CSMD3: variants seen among roughly 807,000 people sequenced by gnomAD.
CSMD3 encodes the protein CUB and Sushi multiple domains 3, also known as CUB and sushi domain-containing protein 3.
Under a neutral mutation model 435.2 loss-of-function variants are expected in CSMD3, and 177 were observed. That is an observed-to-expected ratio of 0.41 (90% CI 0.36 to 0.46). CSMD3 has a LOEUF of 0.46. Ranked by LOEUF, CSMD3 falls within the 20% of genes least tolerant of loss-of-function variation. The pLI is 0.34. For synonymous variants in CSMD3, 1,656 were observed against 1,520.5 expected (o/e 1.09, Z -2.07); for missense variants, 4,265 against 4,504.6 (o/e 0.95, Z 1.52).
chr8:113,394,159 TACACACAC>T (rs3080772), intron 1 of CSMD3, among the ~76,000 whole-genome samples: 18 of 137,156 alleles, frequency 1.3e-4, no homozygotes, highest in African/African-American at 3.4e-4. Flanking sequence ...TTTGTTGAAT[TACACACAC>T]ACACACACAC....
chr8:112,850,932 G>C (rs950401166), intron 11 of CSMD3, among the ~76,000 whole-genome samples: 2 of 152,106 alleles, frequency 1.3e-5, no homozygotes, highest in Non-Finnish European at 2.9e-5. Context: ...CAGGGGCATA[G>C]CTAATAGTAA....
intron 10 of CSMD3, among the ~76,000 whole-genome samples, chr8:112,907,019 A>G (rs1258590647): frequency 6.6e-6 from 1 of 151,614 alleles, no homozygotes; most frequent in African/African-American, 2.4e-5. Flanking sequence ...TACCTACCAA[A>G]TAGTTATTTT....
intron 3 of CSMD3, among the ~76,000 whole-genome samples, chr8:113,221,128 G>T (rs2092961343): frequency 6.6e-6 from 1 of 151,128 alleles, no homozygotes; most frequent in African/African-American, 2.4e-5. Flanking sequence ...TTGTACTGGA[G>T]ATTTAAAAAA....
chr8:112,416,307 C>T (rs1409855426), intron 32 of CSMD3, among the ~76,000 whole-genome samples: 1 of 152,128 alleles, frequency 6.6e-6, no homozygotes, highest in Non-Finnish European at 1.5e-5. Flanking sequence ...TTCATCCTGC[C>T]ACCCTGTGAA....
At chr8:112,787,682 G>C (rs1290599713) in intron 13 of CSMD3, among the ~76,000 whole-genome samples, 2 of 152,062 alleles carry the variant, frequency 1.3e-5, no homozygotes, top group Non-Finnish European at 2.9e-5. Flanking sequence ...AAATAAGCCA[G>C]GCACAGAAAG....
At chr8:112,274,906 A>G (rs1174230298) in intron 59 of CSMD3, among the ~76,000 whole-genome samples, 1 of 152,212 alleles carries the variant, frequency 6.6e-6, no homozygotes, top group Non-Finnish European at 1.5e-5. Context: ...TAGTTGACTA[A>G]TTAAAGTTGT....
intron 53 of CSMD3, among the ~76,000 whole-genome samples, chr8:112,297,485 A>G (rs531541794): frequency 2.0e-3 from 301 of 152,174 alleles, no homozygotes; most frequent in African/African-American, 6.9e-3. Context: ...CTATGTAATT[A>G]TTTCAATCTA....
At chr8:112,963,504 C>G (rs986964269) in intron 7 of CSMD3, among the ~76,000 whole-genome samples, 2 of 151,890 alleles carry the variant, frequency 1.3e-5, no homozygotes, top group African/African-American at 4.8e-5. Context: ...AGGATAATAT[C>G]TAGGTAGAAT....
At chr8:112,865,686 C>A (rs28656935) in intron 10 of CSMD3, among the ~76,000 whole-genome samples, 7,912 of 43,178 alleles carry the variant, frequency 0.18, 472 homozygotes, top group East Asian at 0.38. Context: ...TTTACATACC[C>A]CACACACACA....
chr8:112,606,486 T>C (rs891716977), intron 22 of CSMD3, among the ~76,000 whole-genome samples: 5 of 152,120 alleles, frequency 3.3e-5, no homozygotes, highest in Non-Finnish European at 5.9e-5. Context: ...GAACCCCAGA[T>C]CATCCAGGCA....
At chr8:112,286,447 G>A (rs1443961082) in intron 58 of CSMD3, among the ~76,000 whole-genome samples, 1 of 152,068 alleles carries the variant, frequency 6.6e-6, no homozygotes, top group African/African-American at 2.4e-5. Context: ...TACCTACCCT[G>A]TATATGATAT....
chr8:112,424,777 C>T (rs550130925), intron 32 of CSMD3, among the ~76,000 whole-genome samples: 77 of 152,224 alleles, frequency 5.1e-4, no homozygotes, highest in African/African-American at 1.8e-3. Context: ...CTGCAACCTC[C>T]ACCTACCAGG....
At chr8:112,466,109 A>T (rs1817933256) in intron 32 of CSMD3, among the ~76,000 whole-genome samples, 1 of 152,208 alleles carries the variant, frequency 6.6e-6, no homozygotes, top group Non-Finnish European at 1.5e-5. Flanking sequence ...TTCAGTATTT[A>T]AAAAAGAGTA....
At chr8:113,416,250 A>C (rs576480943) in intron 1 of CSMD3, among the ~76,000 whole-genome samples, 1 of 152,232 alleles carries the variant, frequency 6.6e-6, no homozygotes, top group East Asian at 1.9e-4. Context: ...ACTGTGTGAA[A>C]AATTTTCTCT....
At chr8:112,907,312 T>C (rs1429281018) in intron 10 of CSMD3, among the ~76,000 whole-genome samples, 1 of 151,484 alleles carries the variant, frequency 6.6e-6, no homozygotes, top group Non-Finnish European at 1.5e-5. Context: ...GAACTGAAAT[T>C]CATCATATTC....
At chr8:112,388,788 G>T (rs76929983) in intron 36 of CSMD3, among the ~76,000 whole-genome samples, 7 of 152,034 alleles carry the variant, frequency 4.6e-5, no homozygotes, top group Non-Finnish European at 7.4e-5. Flanking sequence ...TTACGTCCTC[G>T]ACATCTCTAA....
intron 13 of CSMD3, among the ~76,000 whole-genome samples, chr8:112,735,424 T>A (rs1443704001): frequency 6.6e-6 from 1 of 152,026 alleles, no homozygotes; most frequent in Non-Finnish European, 1.5e-5. Flanking sequence ...ATATTTTAGA[T>A]CAGAGGTTAC....
chr8:112,432,891 C>T (rs1053841974), intron 32 of CSMD3, among the ~76,000 whole-genome samples: 12 of 136,434 alleles, frequency 8.8e-5, no homozygotes, highest in Middle Eastern at 3.7e-3. Flanking sequence ...GCCTGGGAAA[C>T]GTAGCAAGGC....
At chr8:112,973,455 A>G (rs1256065582) in intron 7 of CSMD3, among the ~76,000 whole-genome samples, 3 of 151,830 alleles carry the variant, frequency 2.0e-5, no homozygotes, top group Non-Finnish European at 4.4e-5. Context: ...CCTCGACTCT[A>G]TTGCAATGTC....
Sources: gnomAD v4.1 joint callset for allele counts (sites outside exome capture counted in the v4.1 genomes callset) on GRCh38, gnomAD v4.1.1 for gene constraint, MANE v1.5 for transcripts, NCBI Gene and HGNC (gene_info 2026-07-23, HGNC 2026-07-21) for gene names.